MACROD2: variants seen among roughly 807,000 people sequenced by gnomAD.
MACROD2 encodes mono-ADP ribosylhydrolase 2.
Under a neutral mutation model 70.4 loss-of-function variants are expected in MACROD2, and 36 were observed. The ratio of observed to expected loss-of-function variants is 0.51; its 90% CI spans 0.39 to 0.68. MACROD2 has a LOEUF of 0.68. Among genes scored for constraint, MACROD2 ranks in the 30% least tolerant of loss-of-function variants. The pLI is 0.00. For missense variants in MACROD2, 496 were observed against 538.4 expected, an observed-to-expected ratio of 0.92 and a Z score of 0.78; for synonymous variants, 172 against 178.8, an observed-to-expected ratio of 0.96 and a Z score of 0.30.
chr20:15,082,645 T>G (rs535345826), intron 5 of MACROD2, among the ~76,000 whole-genome samples: 88 of 151,888 alleles, frequency 5.8e-4, no homozygotes, highest in African/African-American at 2.0e-3. Flanking sequence ...AAGAAATTAG[T>G]TTGGGAATTA....
chr20:14,321,840 G>C (rs189245773), intron 3 of MACROD2, among the ~76,000 whole-genome samples: 5 of 152,214 alleles, frequency 3.3e-5, no homozygotes, highest in Admixed American at 6.5e-5. Context: ...AGAGCACAGT[G>C]TCATTTTTAA....
rs77002867 is a variant in MACROD2, at chr20:15,796,750, T to C, written c.646-65995T>C. 1.8e-4 allele frequency among the ~76,000 whole-genome samples: 27 copies of C among 152,336 alleles called. No individual in the cohort carries two copies. The East Asian group carries it at 4.8e-3, about 27-fold the overall frequency. On this transcript the variant is annotated intron_variant, in intron 8 of 17. Coordinates refer to ENST00000684519, the MANE Select transcript of MACROD2 (RefSeq NM_001351661.2). ...GTCAGATGCCATCAAATGTAACTTC[T>C]AAATAACATGAAATGAGTACTGGTA...
At chr20:14,493,441 AT>A in intron 3 of MACROD2, 37 bp from the exon 4 acceptor site, 1 of 1,566,760 alleles carries the variant, frequency 6.4e-7, no homozygotes, top group Non-Finnish European at 8.8e-7. Context: ...TCTTATACAT[AT>A]TATTTAATGT....
chr20:15,692,947 C>T (rs925110635), intron 8 of MACROD2, among the ~76,000 whole-genome samples: 3 of 152,102 alleles, frequency 2.0e-5, no homozygotes, highest in African/African-American at 7.2e-5. Flanking sequence ...AATGAGTTCT[C>T]ATGAGATTTG....
chr20:15,860,942 A>T lies in MACROD2; in HGVS notation c.646-1803A>T, dbSNP rs934736382. Among the ~76,000 whole-genome samples the T allele has an allele frequency of 1.2e-4, 19 of 152,252 alleles. 2 individuals carry two copies. Among genetic ancestry groups the T allele is most frequent in the Admixed American group, 9.8e-4 (15 of 15,292 alleles). The stretch of plus-strand genomic sequence containing the variant: ...CTTTTGTAGAGTTGACATGAAAACA[A>T]GTCAAAGAAAATATATGATCACTCC... On this transcript the variant is annotated intron_variant, in intron 8 of 17. Coordinates refer to ENST00000684519, the MANE Select transcript of MACROD2 (RefSeq NM_001351661.2).
chr20:14,575,851 A>C (rs1317468574), intron 4 of MACROD2, among the ~76,000 whole-genome samples: 1 of 152,194 alleles, frequency 6.6e-6, no homozygotes, highest in Non-Finnish European at 1.5e-5. Flanking sequence ...TTATTGCTTA[A>C]ATTTAGTGCA....
chr20:14,425,801 T>G (rs1368641170), intron 3 of MACROD2, among the ~76,000 whole-genome samples: 1 of 152,214 alleles, frequency 6.6e-6, no homozygotes, highest in Non-Finnish European at 1.5e-5. Flanking sequence ...GTGTCTCATC[T>G]TCCTGTCTTA....
At chr20:14,257,455 T>G (rs2082066833) in intron 3 of MACROD2, among the ~76,000 whole-genome samples, 1 of 152,174 alleles carries the variant, frequency 6.6e-6, no homozygotes, top group Non-Finnish European at 1.5e-5. Context: ...TTACCAGGTT[T>G]TTTTAAAGTA....
intron 8 of MACROD2, among the ~76,000 whole-genome samples, chr20:15,675,680 T>C (rs1272387760): frequency 6.6e-6 from 1 of 152,174 alleles, no homozygotes; most frequent in East Asian, 1.9e-4. Context: ...ACTAAGGCAC[T>C]TTATTAAAAA....
chr20:14,936,694 A>G (rs2074343258), intron 5 of MACROD2, among the ~76,000 whole-genome samples: 1 of 152,136 alleles, frequency 6.6e-6, no homozygotes, highest in Non-Finnish European at 1.5e-5. Flanking sequence ...TGAAGGGCCC[A>G]GAAACTTCAG....
intron 5 of MACROD2, among the ~76,000 whole-genome samples, chr20:15,144,218 A>G (rs76026520): frequency 0.094 from 14,282 of 152,112 alleles, 711 homozygotes; most frequent in South Asian, 0.14. Flanking sequence ...GACCTCCCAA[A>G]CTGTTAGAAT....
chr20:14,366,852 A>G (rs1318360233), intron 3 of MACROD2, among the ~76,000 whole-genome samples: 1 of 152,096 alleles, frequency 6.6e-6, no homozygotes, highest in Non-Finnish European at 1.5e-5. Context: ...TATATATTTT[A>G]CTAATCTCTA....
chr20:14,313,233 A>AT (rs1482690137), intron 3 of MACROD2, among the ~76,000 whole-genome samples: 8 of 152,312 alleles, frequency 5.3e-5, no homozygotes, highest in African/African-American at 1.7e-4. Flanking sequence ...TTATCATTAA[A>AT]GGATAGTATA....
chr20:15,418,215 T>A (rs2046181802), intron 6 of MACROD2, among the ~76,000 whole-genome samples: 1 of 152,222 alleles, frequency 6.6e-6, no homozygotes, highest in African/African-American at 2.4e-5. Context: ...GCTGTAGAAT[T>A]TACAAGGTGG....
intron 5 of MACROD2, among the ~76,000 whole-genome samples, chr20:15,032,696 G>T (rs1174527992): frequency 6.6e-6 from 1 of 152,184 alleles, no homozygotes; most frequent in Non-Finnish European, 1.5e-5. Context: ...ACAAAGAATT[G>T]CTACATGATC....
chr20:15,044,460 G>A lies in MACROD2; in HGVS notation c.419-185480G>A, dbSNP rs559099532. On this transcript the variant is annotated intron_variant, in intron 5 of 17. Transcript: ENST00000684519. ...TCTGAGTCAATGAGTACATCTGTGC[G>A]GAGTGTCTCCCATTTGCCCTCCAGA... Among the ~76,000 whole-genome samples the A allele has an allele frequency of 3.7e-4, 56 of 152,146 alleles. No homozygotes were observed. In the South Asian group the frequency reaches 6.0e-3, roughly 16 times the overall value.
intron 12 of MACROD2, among the ~76,000 whole-genome samples, chr20:15,940,119 G>A (rs1399671109): frequency 6.6e-6 from 1 of 152,138 alleles, no homozygotes; most frequent in African/African-American, 2.4e-5. Flanking sequence ...TTGAGATGGA[G>A]TTTCACTCTT....
chr20:15,828,261 T>A (rs2064018910), intron 8 of MACROD2, among the ~76,000 whole-genome samples: 1 of 152,194 alleles, frequency 6.6e-6, no homozygotes, highest in South Asian at 2.1e-4. Flanking sequence ...ATTTATCAGT[T>A]TAATAAAATA....
chr20:14,341,463 C>A (rs1265868480), intron 3 of MACROD2, among the ~76,000 whole-genome samples: 1 of 151,954 alleles, frequency 6.6e-6, no homozygotes, highest in Non-Finnish European at 1.5e-5. Flanking sequence ...CGTGGTGAAA[C>A]CCCGTTTCTA....
Sources: allele counts gnomAD v4.1 joint callset (sites outside exome capture counted in the v4.1 genomes callset), GRCh38; gene constraint gnomAD v4.1.1; transcripts MANE v1.5; gene names NCBI Gene and HGNC (gene_info 2026-07-23, HGNC 2026-07-21).